PITPNM2: variants seen among roughly 807,000 people sequenced by gnomAD.
PITPNM2 encodes the protein phosphatidylinositol transfer protein membrane associated 2, also known as membrane-associated phosphatidylinositol transfer protein 2.
PITPNM2 carries 35 observed loss-of-function variants against 132.2 expected under a neutral mutation model. The observed-to-expected ratio is 0.26, with a 90% CI of 0.20 to 0.35. The LOEUF (loss-of-function observed/expected upper bound fraction) is 0.35. Among genes scored for constraint, PITPNM2 ranks in the 10% least tolerant of loss-of-function variants. PITPNM2 has a pLI of 1.00. For synonymous variants in PITPNM2, 738 were observed against 799.2 expected (o/e 0.92, Z 1.29); for missense variants, 1,332 against 1,912.0 (o/e 0.70, Z 5.66).
At chr12:123,084,961 T>C (rs2042071106) in intron 2 of PITPNM2, among the ~76,000 whole-genome samples, 1 of 152,204 alleles carries the variant, frequency 6.6e-6, no homozygotes, top group Non-Finnish European at 1.5e-5. Context: ...GGGTCAGCTC[T>C]GAGCTGACTC....
chr12:123,013,769 T>C, intron 4 of PITPNM2, 59 bp downstream of exon 4: 1 of 1,551,648 alleles, frequency 6.4e-7, no homozygotes, highest in East Asian at 2.3e-5. Flanking sequence ...GCCACAAGAT[T>C]GCTTCCCGCC....
chr12:123,012,876 C>G, intron 4 of PITPNM2, 142 bp from the exon 5 acceptor site: 3 of 1,105,904 alleles, frequency 2.7e-6, no homozygotes, highest in Admixed American at 2.2e-5. Context: ...GACTTGCCTG[C>G]CCTGTCCACC....
At chr12:123,027,753 T>C (rs1406495368) in intron 3 of PITPNM2, among the ~76,000 whole-genome samples, 2 of 152,158 alleles carry the variant, frequency 1.3e-5, no homozygotes, top group African/African-American at 4.8e-5. Flanking sequence ...TAGGTAAAGA[T>C]TGGTCAAATG....
chr12:123,140,419 C>T lies in PITPNM2; in HGVS notation c.-200+10334G>A, dbSNP rs537096877. ...TCATGAGGTCAGCTCTGGGCCCCTG[C>T]TCCTTCTTTAATGAGTCAGAGAACA... On this transcript the variant is annotated intron_variant, in intron 1 of 25. Transcript: ENST00000320201. 1.6e-3 allele frequency among the ~76,000 whole-genome samples: 249 copies of T among 152,292 alleles called. 1 individual carries two copies. Among genetic ancestry groups the T allele is most frequent in the African/African-American group, 5.8e-3 (239 of 41,550 alleles).
At position 123,083,603 on chromosome 12, in the gene PITPNM2, A is replaced by T. The variant is rs914322309; in HGVS notation, c.-96+26782T>A. On this transcript the variant is annotated intron_variant, in intron 2 of 25. Transcript: ENST00000320201. The surrounding 1 kb of genome is among the most constrained non-coding windows in gnomAD (Gnocchi z 4.5). ...CCCCCAGATGTAACATGTCTATGGG[A>T]GGATTATGACATGGGTAGATGAGAG... 9.2e-5 allele frequency: 14 copies of T among 152,196 alleles called. No individual in the cohort carries two copies. The highest frequency in any genetic ancestry group is 3.1e-4 in the African/African-American group (13 of 41,414). The allele number at this position is 152,196 out of a possible 1,614,324, so 9.4% of individuals were successfully genotyped here.
At chr12:123,018,305 T>C (rs889487901) in intron 3 of PITPNM2, among the ~76,000 whole-genome samples, 1 of 147,210 alleles carries the variant, frequency 6.8e-6, no homozygotes, top group Non-Finnish European at 1.5e-5. Context: ...TTTTTTTTTT[T>C]TTTTTTTGAG....
At chr12:123,040,701 G>A (rs1390373292) in intron 2 of PITPNM2, among the ~76,000 whole-genome samples, 1 of 151,620 alleles carries the variant, frequency 6.6e-6, no homozygotes, top group Non-Finnish European at 1.5e-5. Context: ...TTTAAAAAAA[G>A]ATCATGTAGA....
intron 2 of PITPNM2, among the ~76,000 whole-genome samples, chr12:123,039,801 C>T (rs757042742): frequency 1.1e-4 from 16 of 152,070 alleles, no homozygotes; most frequent in Non-Finnish European, 2.1e-4. Flanking sequence ...ATGGGAACTC[C>T]GTACTTGCCA....
chr12:123,028,161 C>T (rs887034761), intron 3 of PITPNM2, among the ~76,000 whole-genome samples: 9 of 152,232 alleles, frequency 5.9e-5, no homozygotes, highest in African/African-American at 1.7e-4. Flanking sequence ...AGGCCACCTC[C>T]GGCCACTCCC....
intron 2 of PITPNM2, among the ~76,000 whole-genome samples, chr12:123,037,647 G>A (rs537088166): frequency 4.2e-4 from 64 of 152,290 alleles, no homozygotes; most frequent in Middle Eastern, 6.8e-3. Flanking sequence ...CCCCTCCAGC[G>A]TACATGACCT....
intron 1 of PITPNM2, among the ~76,000 whole-genome samples, chr12:123,133,058 G>C (rs1475872743): frequency 2.0e-5 from 3 of 152,192 alleles, no homozygotes; most frequent in Non-Finnish European, 4.4e-5. Flanking sequence ...AGTCTCTTGG[G>C]TATAGACCTA....
At chr12:123,122,012 G>A (rs73413265) in intron 1 of PITPNM2, among the ~76,000 whole-genome samples, 6,515 of 152,116 alleles carry the variant, frequency 0.043, 457 homozygotes, top group African/African-American at 0.15. Context: ...GGCACACACC[G>A]CCATGCCCAT....
chr12:123,080,551 A>T (rs1184337020), intron 2 of PITPNM2, among the ~76,000 whole-genome samples: 1 of 152,216 alleles, frequency 6.6e-6, no homozygotes, highest in Non-Finnish European at 1.5e-5. Context: ...CAAGTAAGGG[A>T]GGCTCCAGCT....
intron 1 of PITPNM2, among the ~76,000 whole-genome samples, chr12:123,144,585 C>G (rs1217449427): frequency 1.3e-5 from 2 of 152,188 alleles, no homozygotes; most frequent in East Asian, 3.9e-4. Context: ...ATGGACACCA[C>G]CAAACCCAGC....
intron 14 of PITPNM2, 140 bp from the exon 15 acceptor site, chr12:122,995,119 T>C: frequency 9.5e-7 from 1 of 1,053,644 alleles, no homozygotes; most frequent in Non-Finnish European, 1.3e-6. Flanking sequence ...CACCTGCCCC[T>C]GGTCCATTCT....
chr12:123,140,247 C>T (rs2043475904), intron 1 of PITPNM2, among the ~76,000 whole-genome samples: 1 of 152,204 alleles, frequency 6.6e-6, no homozygotes. Flanking sequence ...TGCATCACCT[C>T]TTAATCCTCT....
intron 1 of PITPNM2, among the ~76,000 whole-genome samples, chr12:123,122,528 G>A (rs1270092630): frequency 6.6e-6 from 1 of 152,322 alleles, no homozygotes; most frequent in East Asian, 1.9e-4. Context: ...TCGCAAGCCT[G>A]TTGATAGGCC....
At chr12:122,988,670 T>C (rs962797604) in intron 19 of PITPNM2, 54 bp downstream of exon 19, 6 of 1,503,402 alleles carry the variant, frequency 4.0e-6, no homozygotes, top group Non-Finnish European at 5.4e-6. Context: ...AATGTGGCCC[T>C]GTCATGGGTG....
chr12:123,072,773 C>T lies in PITPNM2; in HGVS notation c.-96+37612G>A, dbSNP rs1018159142. 2.0e-5 allele frequency among the ~76,000 whole-genome samples: 3 copies of T among 152,236 alleles called. No homozygotes were observed. The South Asian group carries it at 6.2e-4, about 31-fold the overall frequency. On this transcript the variant is annotated intron_variant, in intron 2 of 25. Transcript: ENST00000320201. ...CCACAAAGCTGACCTACTGGGTAAA[C>T]CTGCAACTGAACGTTGGACCAAATA...
Sources: gnomAD v4.1 joint callset for allele counts (sites outside exome capture counted in the v4.1 genomes callset) on GRCh38, gnomAD v4.1.1 for gene constraint, Gnocchi (gnomAD v3.1) non-coding constraint, MANE v1.5 for transcripts, NCBI Gene and HGNC (gene_info 2026-07-23, HGNC 2026-07-21) for gene names.